Variants in ACTR3 observed in about 807,000 individuals in gnomAD.
The protein encoded by ACTR3 is actin-related protein 3.
ACTR3 carries 12 observed loss-of-function variants against 56.8 expected under a neutral mutation model. The ratio of observed to expected loss-of-function variants is 0.21; its 90% CI spans 0.14 to 0.34. ACTR3 has a LOEUF of 0.34. Among genes scored for constraint, ACTR3 ranks in the 10% least tolerant of loss-of-function variants. The probability of loss-of-function intolerance (pLI) is 1.00; values close to 1 mark genes in which losing one functional copy is unlikely to be tolerated. For synonymous variants in ACTR3, 162 were observed against 167.4 expected, an observed-to-expected ratio of 0.97 and a Z score of 0.25; for missense variants, 282 against 512.5, an observed-to-expected ratio of 0.55 and a Z score of 4.34.
Position 113,890,154 on chromosome 2 carries a change from ACC to A in ACTR3, c.-121_-120del. On this transcript the variant is annotated 5_prime_UTR_variant, in exon 1 of 12. Coordinates refer to ENST00000263238, the MANE Select transcript of ACTR3 (RefSeq NM_005721.5). ...TTGCTACTGCTTCGGCTTCCCGGCT[ACC>A]CCCCGGACGGTGAAGGCGGCCCAGC... The A allele has an allele frequency of 7.9e-7, 1 of 1,265,246 alleles. No individual in the cohort carries two copies. The highest frequency in any genetic ancestry group is 1.3e-5 in the South Asian group (1 of 77,972). 78.4% of individuals were successfully genotyped at this position (1,265,246 alleles called of 1,614,324 possible).
chr2:113,951,721 A>G lies in ACTR3; in HGVS notation c.953A>G (p.Asn318Ser). 1.2e-6 allele frequency: 2 copies of G among 1,602,848 alleles called. No homozygotes were observed. The highest frequency in any genetic ancestry group is 1.7e-6 in the Non-Finnish European group (2 of 1,172,788). Residue 318 changes from asparagine (N) to serine (S), a missense_variant and splice_region_variant, in exon 10 of 12, where the codon AAT (asparagine) becomes AGT (serine). Asn to Ser is a conservative substitution (Grantham distance 46, BLOSUM62 1). Coordinates refer to ENST00000263238, the MANE Select transcript of ACTR3 (RefSeq NM_005721.5). ...TTATATTTATTTTCTCTCCACTAGA[A>G]TATTGTCCTCTCTGGAGGTTCAACC... ...PIDVRRPLYK[N>S]IVLSGGSTMF...
chr2:113,889,980 G>A (rs1232499387), upstream of ACTR3: 3 of 532,336 alleles, frequency 5.6e-6, no homozygotes, highest in Non-Finnish European at 9.9e-6. Context: ...CCCGGGGAAA[G>A]GCGGCGTGAG....
In ACTR3 at chr2:113,951,747, A is replaced by G. The variant is rs1210005922; in HGVS notation, c.979A>G (p.Met327Val). Residue 327 changes from methionine (M) to valine (V), a missense_variant, in exon 10 of 12, where the codon ATG becomes GTG. By Grantham distance (21) the Met-to-Val change is conservative (BLOSUM62 1). Transcript: ENST00000263238. ...KNIVLSGGSTMFRDFGRRLQR... is the reference protein window; with the variant it reads ...KNIVLSGGSTVFRDFGRRLQR... ...TATTGTCCTCTCTGGAGGTTCAACC[A>G]TGTTCAGGGACTTTGGACGTCGCTT... The G allele has an allele frequency of 1.9e-6, 3 of 1,612,918 alleles. No homozygotes were observed. Among genetic ancestry groups the G allele is most frequent in the Non-Finnish European group, 2.5e-6 (3 of 1,179,152 alleles).
intron 8 of ACTR3, among the ~76,000 whole-genome samples, chr2:113,949,210 T>C (rs961180143): frequency 1.3e-5 from 2 of 151,142 alleles, no homozygotes; most frequent in Non-Finnish European, 2.9e-5. Flanking sequence ...AAACCCCGTC[T>C]CTACTAAAAA....
In ACTR3 at chr2:113,906,115, T is replaced by C. The variant is rs1679188074; in HGVS notation, c.45-7057T>C. On this transcript the variant is annotated intron_variant, in intron 1 of 11. Transcript: ENST00000263238. ...GCACCATTTTAAACTCTCACCAGCA[T>C]TGCACAAGGGTTTCAGTTTCTTTAC... Among the ~76,000 whole-genome samples the C allele has an allele frequency of 2.0e-5, 3 of 152,234 alleles. No homozygotes were observed. The South Asian group carries it at 6.2e-4, about 32-fold the overall frequency.
chr2:113,908,057 G>A (rs965582279), intron 1 of ACTR3, among the ~76,000 whole-genome samples: 1 of 150,014 alleles, frequency 6.7e-6, no homozygotes, highest in Non-Finnish European at 1.5e-5. Context: ...TTATTCTTTA[G>A]AGAGCAACAA....
intron 6 of ACTR3, among the ~76,000 whole-genome samples, chr2:113,938,979 C>T (rs986857564): frequency 6.6e-6 from 1 of 151,978 alleles, no homozygotes. Context: ...TAGAAAGTAT[C>T]TCTGCCCTAC....
At chr2:113,913,431 C>T (rs532892674) in intron 2 of ACTR3, among the ~76,000 whole-genome samples, 21 of 152,006 alleles carry the variant, frequency 1.4e-4, no homozygotes, top group Admixed American at 2.6e-4. Flanking sequence ...TTTGCCATGT[C>T]TACTAAATAC....
rs1251643445 is a variant in ACTR3 at position 113,951,746 on chromosome 2, C to G, written c.978C>G (p.Thr326=). The part of the protein sequence containing the change: ...YKNIVLSGGS[T]MFRDFGRRLQ... ...ATATTGTCCTCTCTGGAGGTTCAAC[C>G]ATGTTCAGGGACTTTGGACGTCGCT... The change falls in exon 10 of 12, where the codon ACC becomes ACG. Residue 326 remains threonine, a synonymous_variant. Transcript: ENST00000263238. The G allele has an allele frequency of 6.2e-7, 1 of 1,612,518 alleles. No individual in the cohort carries two copies. Among genetic ancestry groups the G allele is most frequent in the Non-Finnish European group, 8.5e-7 (1 of 1,179,020 alleles).
chr2:113,932,643 AC>A (rs1268982760), intron 5 of ACTR3, among the ~76,000 whole-genome samples: 1 of 152,094 alleles, frequency 6.6e-6, no homozygotes, highest in East Asian at 1.9e-4. Flanking sequence ...CTAGTTTGGG[AC>A]CGTAACTGTT....
upstream of ACTR3, chr2:113,889,939 G>C (rs978925042): frequency 1.5e-5 from 8 of 539,668 alleles, no homozygotes; most frequent in Admixed American, 1.1e-4. Flanking sequence ...TGGCCTGGCC[G>C]GGGCGTCGGC....
chr2:113,957,588 G>C lies in ACTR3; in HGVS notation c.*133G>C. The C allele has an allele frequency of 4.8e-6, 3 of 621,664 alleles. No homozygotes were observed. In the South Asian group the frequency reaches 6.1e-5, roughly 13 times the overall value. 38.5% of individuals were successfully genotyped at this position (621,664 alleles called of 1,614,324 possible). ...TAGTAACACCAAACATGATTATACA[G>C]GAATATTTTAATAAGTGTATCACCA... On this transcript the variant is annotated 3_prime_UTR_variant, in exon 12 of 12. Coordinates refer to ENST00000263238, the MANE Select transcript of ACTR3 (RefSeq NM_005721.5).
At chr2:113,950,551 G>C (rs955980641) in intron 8 of ACTR3, among the ~76,000 whole-genome samples, 1 of 152,116 alleles carries the variant, frequency 6.6e-6, no homozygotes, top group African/African-American at 2.4e-5. Context: ...ATGTTTTAGC[G>C]ATTAGGTAAA....
chr2:113,917,245 A>G (rs1018366002), intron 3 of ACTR3, among the ~76,000 whole-genome samples: 1 of 151,342 alleles, frequency 6.6e-6, no homozygotes, highest in African/African-American at 2.4e-5. Context: ...TTATTTTTCC[A>G]CACCCACTGG....
At chr2:113,892,227 A>G (rs2104575913) in intron 1 of ACTR3, among the ~76,000 whole-genome samples, 1 of 152,372 alleles carries the variant, frequency 6.6e-6, no homozygotes, top group East Asian at 1.9e-4. Context: ...CTAAAGGGCA[A>G]CCTTGAATTT....
chr2:113,956,751 G>A (rs935405417), intron 11 of ACTR3, among the ~76,000 whole-genome samples: 1 of 152,164 alleles, frequency 6.6e-6, no homozygotes, highest in Non-Finnish European at 1.5e-5. Flanking sequence ...TTGAATAACT[G>A]TACAACTTTG....
At chr2:113,939,882 T>C (rs1175043523) in intron 6 of ACTR3, 77 bp from the exon 7 acceptor site, 18 of 1,377,094 alleles carry the variant, frequency 1.3e-5, no homozygotes, top group Non-Finnish European at 1.7e-5. Flanking sequence ...AATTGGTCTT[T>C]ATTGGTTCAT....
intron 8 of ACTR3, among the ~76,000 whole-genome samples, chr2:113,947,127 C>A (rs138219063): frequency 2.2e-4 from 33 of 152,210 alleles, no homozygotes; most frequent in African/African-American, 7.7e-4. Context: ...GTGTGTCAGA[C>A]CTCATTTCAT....
intron 6 of ACTR3, among the ~76,000 whole-genome samples, chr2:113,939,265 G>A (rs1000283771): frequency 9.9e-5 from 15 of 152,002 alleles, no homozygotes; most frequent in Admixed American, 6.5e-4. Context: ...CTCGTGATCC[G>A]CCCGTCTCGG....
Sources: allele counts gnomAD v4.1 joint callset (sites outside exome capture counted in the v4.1 genomes callset), GRCh38; gene constraint gnomAD v4.1.1; transcripts MANE v1.5; gene names NCBI Gene and HGNC (gene_info 2026-07-23, HGNC 2026-07-21).